The following NBEA variants were observed in gnomAD, a reference collection of about 807,000 sequenced individuals.
NBEA encodes lysosomal-trafficking regulator 2.
Under a neutral mutation model 343.4 loss-of-function variants are expected in NBEA, and 44 were observed. That is an observed-to-expected ratio of 0.13 (90% confidence interval 0.10 to 0.16). The LOEUF (loss-of-function observed/expected upper bound fraction) is 0.16, where lower values mean the gene tolerates loss of function less well. NBEA is among the 10% of genes least tolerant of loss of function. The pLI is 1.00. For synonymous variants in NBEA, 1,175 were observed against 1,238.7 expected, an observed-to-expected ratio of 0.95 and a Z score of 1.08; for missense variants, 2,555 against 3,631.3, an observed-to-expected ratio of 0.70 and a Z score of 7.62.
At chr13:34,955,271 GATTA>G (rs777281050) in intron 1 of NBEA, among the ~76,000 whole-genome samples, 4 of 151,688 alleles carry the variant, frequency 2.6e-5, no homozygotes, top group Non-Finnish European at 5.9e-5. Flanking sequence ...ATAAATTACT[GATTA>G]ATCCTAATCT....
intron 35 of NBEA, among the ~76,000 whole-genome samples, chr13:35,300,138 T>A (rs996744031): frequency 1.3e-5 from 2 of 152,170 alleles, no homozygotes; most frequent in Non-Finnish European, 2.9e-5. Flanking sequence ...TAGAATCAGT[T>A]ACATAGTAAT....
At chr13:35,068,152 CT>C (rs1166098940) in intron 8 of NBEA, among the ~76,000 whole-genome samples, 1 of 152,066 alleles carries the variant, frequency 6.6e-6, no homozygotes, top group Non-Finnish European at 1.5e-5. Context: ...ACATTATACA[CT>C]TTTTTTAAAC....
At chr13:35,655,547 A>C in intron 54 of NBEA, 32 bp from the exon 55 acceptor site, 1 of 1,589,400 alleles carries the variant, frequency 6.3e-7, no homozygotes, top group Non-Finnish European at 8.6e-7. Context: ...AAAAAGACTA[A>C]ATGAAGCAAA....
chr13:35,025,199 T>C (rs2061977287), intron 1 of NBEA, among the ~76,000 whole-genome samples: 1 of 152,190 alleles, frequency 6.6e-6, no homozygotes, highest in Non-Finnish European at 1.5e-5. Flanking sequence ...CTTGTTTATT[T>C]TTGTTTTTGT....
intron 49 of NBEA, among the ~76,000 whole-genome samples, chr13:35,632,296 T>C (rs1220225356): frequency 1.3e-5 from 2 of 152,166 alleles, no homozygotes; most frequent in Non-Finnish European, 2.9e-5. Context: ...GTCCCATGGT[T>C]TTCTAACACC....
chr13:35,479,203 T>C (rs539424317), intron 41 of NBEA, among the ~76,000 whole-genome samples: 2 of 152,342 alleles, frequency 1.3e-5, no homozygotes, highest in South Asian at 4.1e-4. Context: ...TTTTCTAAGC[T>C]GCTTCCTTAA....
chr13:35,123,635 G>C, intron 17 of NBEA, 61 bp downstream of exon 17: 1 of 1,053,252 alleles, frequency 9.5e-7, no homozygotes, highest in Non-Finnish European at 1.3e-6. Context: ...GTTTTTATGA[G>C]TTTTCTATGT....
At chr13:35,197,598 A>G (rs1309446776) in intron 31 of NBEA, among the ~76,000 whole-genome samples, 4 of 151,690 alleles carry the variant, frequency 2.6e-5, no homozygotes, top group South Asian at 2.1e-4. Context: ...GCTCACTGCA[A>G]CCTCCACCTC....
chr13:35,372,231 C>T (rs535656904), intron 38 of NBEA, among the ~76,000 whole-genome samples: 2 of 152,242 alleles, frequency 1.3e-5, no homozygotes, highest in East Asian at 3.9e-4. Context: ...CCTCCGGCTC[C>T]CAAGTTGTCT....
chr13:35,183,479 C>T (rs1049505510), intron 29 of NBEA, among the ~76,000 whole-genome samples: 1 of 151,974 alleles, frequency 6.6e-6, no homozygotes, highest in African/African-American at 2.4e-5. Flanking sequence ...TTATTGATGT[C>T]ATGGAGATAT....
chr13:35,117,949 A>T (rs928573507), intron 14 of NBEA, among the ~76,000 whole-genome samples: 27 of 152,036 alleles, frequency 1.8e-4, no homozygotes, highest in African/African-American at 6.5e-4. Flanking sequence ...GTGATTAGAA[A>T]ATAGTCATAA....
At chr13:35,524,337 A>G (rs909741764) in intron 41 of NBEA, among the ~76,000 whole-genome samples, 7 of 152,238 alleles carry the variant, frequency 4.6e-5, no homozygotes, top group East Asian at 1.9e-4. Context: ...AGCAATGAAC[A>G]TTGTGATCTG....
intron 41 of NBEA, among the ~76,000 whole-genome samples, chr13:35,479,450 T>C (rs2076030367): frequency 6.6e-6 from 1 of 152,180 alleles, no homozygotes; most frequent in Non-Finnish European, 1.5e-5. Context: ...AGAATTAAGC[T>C]ATTCGGAGAA....
At chr13:35,365,151 T>G (rs565915664) in intron 38 of NBEA, among the ~76,000 whole-genome samples, 1 of 151,874 alleles carries the variant, frequency 6.6e-6, no homozygotes, top group African/African-American at 2.4e-5. Flanking sequence ...TTCTAAAATA[T>G]GTAGATTTTT....
At chr13:35,273,579 G>GT (rs2034344682) in intron 34 of NBEA, among the ~76,000 whole-genome samples, 1 of 152,034 alleles carries the variant, frequency 6.6e-6, no homozygotes, top group South Asian at 2.1e-4. Flanking sequence ...CCAGGAGCTG[G>GT]TTTTTTGAAA....
chr13:35,249,151 CAA>C (rs1179922550), intron 34 of NBEA, among the ~76,000 whole-genome samples: 8 of 49,692 alleles, frequency 1.6e-4, no homozygotes, highest in South Asian at 7.8e-4. Flanking sequence ...CTCCATCTTA[CAA>C]AAAAAAAAAA....
chr13:35,661,551 G>A (rs945129302), intron 55 of NBEA, among the ~76,000 whole-genome samples: 1 of 152,102 alleles, frequency 6.6e-6, no homozygotes, highest in African/African-American at 2.4e-5. Context: ...GCATTATCTT[G>A]GGACCTTGGG....
At chr13:35,208,587 A>T in intron 31 of NBEA, 113 bp from the exon 32 acceptor site, 1 of 979,662 alleles carries the variant, frequency 1.0e-6, no homozygotes. Context: ...TTTTTTTTTA[A>T]TTAAAAGAAG....
intron 41 of NBEA, among the ~76,000 whole-genome samples, chr13:35,489,608 G>T (rs1367811776): frequency 6.6e-6 from 1 of 151,808 alleles, no homozygotes; most frequent in African/African-American, 2.4e-5. Flanking sequence ...AGTAAATTCG[G>T]TATTTGAAAG....
Sources: gnomAD v4.1 joint callset for allele counts (sites outside exome capture counted in the v4.1 genomes callset) on GRCh38, gnomAD v4.1.1 for gene constraint, MANE v1.5 for transcripts, NCBI Gene and HGNC (gene_info 2026-07-23, HGNC 2026-07-21) for gene names.